SYTL5: variants seen among roughly 807,000 people sequenced by gnomAD.
SYTL5 encodes the protein synaptotagmin-like protein 5.
SYTL5 carries 34 observed loss-of-function variants against 55.9 expected under a neutral mutation model. The observed-to-expected ratio is 0.61, with a 90% CI of 0.46 to 0.81. The LOEUF (loss-of-function observed/expected upper bound fraction) is 0.81. SYTL5 is among the 30% of genes least tolerant of loss of function. The pLI is 0.00. For missense variants in SYTL5, 637 were observed against 546.7 expected (o/e 1.17, Z -1.65); for synonymous variants, 221 against 188.7 (o/e 1.17, Z -1.40).
At chrX:38,082,173 A>G (rs1486399048) in intron 6 of SYTL5, among the ~76,000 whole-genome samples, 1 of 111,999 alleles carries the variant, frequency 8.9e-6, no homozygotes, top group Non-Finnish European at 1.9e-5. Flanking sequence ...TGATCAAATG[A>G]TTGTAAGCCT....
chrX:37,952,374 T>C, the SYTL5 span, among the ~76,000 whole-genome samples: 1 of 111,740 alleles, frequency 8.9e-6, no homozygotes, highest in Non-Finnish European at 1.9e-5. Context: ...TTATTAGACT[T>C]ATGGGCTAGC....
the SYTL5 span, among the ~76,000 whole-genome samples, chrX:37,928,445 A>G: frequency 9.0e-6 from 1 of 111,044 alleles, no homozygotes; most frequent in South Asian, 3.9e-4. Flanking sequence ...TCAGTTACAG[A>G]TTGTCTATGG....
chrX:38,126,815 G>A lies in SYTL5; in HGVS notation c.*85G>A. The A allele has an allele frequency of 2.0e-6, 2 of 983,764 alleles. No homozygotes were observed. The allele number at this position is 983,764 out of a possible 1,213,427, so 81.1% of individuals were successfully genotyped here. ...TTAGCAAACTGAGACCTGGGATTCT[G>A]CTTCCCTGCCATTTCTCACCTGACA... On this transcript the variant is annotated 3_prime_UTR_variant, in exon 17 of 17. Transcript: ENST00000297875.
intron 1 of SYTL5, among the ~76,000 whole-genome samples, chrX:38,029,736 C>G (rs1382380569): frequency 9.9e-6 from 1 of 100,635 alleles, no homozygotes; most frequent in Non-Finnish European, 1.9e-5. Context: ...ACTGTTTTTA[C>G]TTTCCAAAGA....
At chrX:38,069,023 C>A (rs1408552228) in intron 3 of SYTL5, among the ~76,000 whole-genome samples, 1 of 111,080 alleles carries the variant, frequency 9.0e-6, no homozygotes, top group Non-Finnish European at 1.9e-5. Flanking sequence ...TTTTTTCAAC[C>A]ATTTAAAAAT....
intron 1 of SYTL5, among the ~76,000 whole-genome samples, chrX:38,020,136 C>T (rs761501798): frequency 3.6e-5 from 4 of 110,120 alleles, no homozygotes; most frequent in Non-Finnish European, 7.6e-5. Flanking sequence ...GTGTTGTAGC[C>T]TAGCATGATA....
chrX:37,970,865 A>G, the SYTL5 span, among the ~76,000 whole-genome samples: 1 of 112,424 alleles, frequency 8.9e-6, no homozygotes, highest in African/African-American at 3.2e-5. Flanking sequence ...TGGGTTTTAT[A>G]GTTTATAACC....
At chrX:37,973,809 T>TA in the SYTL5 span, among the ~76,000 whole-genome samples, 3 of 108,136 alleles carry the variant, frequency 2.8e-5, no homozygotes, top group East Asian at 2.8e-4. Flanking sequence ...TATTTTTTTT[T>TA]AAAAAATATT....
Position 38,054,355 on chromosome X carries a change from G to A in SYTL5, c.262G>A (p.Val88Ile), listed in dbSNP as rs1935712866. ...GDPCQACSLR[V>I]CRECRVAGPN... ...CCCTTGTCAGGCTTGCTCACTGAGG[G>A]TATGCAGGGAGTGTCGAGTTGCAGG... Residue 88 changes from valine to isoleucine, a missense_variant, in exon 3 of 17, where the codon GTA becomes ATA. By Grantham distance (29) the Val-to-Ile change is conservative (BLOSUM62 3). Coordinates refer to ENST00000297875, the MANE Select transcript of SYTL5 (RefSeq NM_138780.3). The A allele has an allele frequency of 4.1e-6, 5 of 1,211,611 alleles. No homozygotes were observed. The East Asian group carries it at 1.5e-4, about 36-fold the overall frequency.
chrX:38,035,888 T>C (rs1167102388), intron 2 of SYTL5, among the ~76,000 whole-genome samples: 2 of 110,681 alleles, frequency 1.8e-5, no homozygotes, highest in Non-Finnish European at 3.8e-5. Flanking sequence ...AGTGAGACTC[T>C]GTCTCAAAAA....
chrX:38,018,045 T>C (rs1364310870), intron 1 of SYTL5, among the ~76,000 whole-genome samples: 2 of 109,621 alleles, frequency 1.8e-5, no homozygotes, highest in Non-Finnish European at 3.8e-5. Flanking sequence ...GTAAAGTTTG[T>C]TTTATCCTAA....
intron 1 of SYTL5, among the ~76,000 whole-genome samples, chrX:38,031,917 T>C (rs1261908279): frequency 8.9e-6 from 1 of 112,433 alleles, no homozygotes; most frequent in Non-Finnish European, 1.9e-5. Flanking sequence ...GAATATGCAC[T>C]AACCTGAACA....
chrX:37,946,448 T>G, the SYTL5 span: 3 of 251,201 alleles, frequency 1.2e-5, no homozygotes, highest in Non-Finnish European at 2.3e-5. Context: ...AAGCTGAATA[T>G]GCACATCCTT....
At chrX:37,948,930 C>A in the SYTL5 span, among the ~76,000 whole-genome samples, 2 of 111,410 alleles carry the variant, frequency 1.8e-5, no homozygotes, top group African/African-American at 6.5e-5. Flanking sequence ...ACAAACTGAG[C>A]CTCAATTTGT....
the SYTL5 span, among the ~76,000 whole-genome samples, chrX:37,963,515 C>G: frequency 9.0e-6 from 1 of 111,410 alleles, no homozygotes; most frequent in African/African-American, 3.3e-5. Context: ...GTGTCGGTCT[C>G]CTGACCTCAT....
At chrX:38,023,764 C>G (rs1210383932) in intron 1 of SYTL5, 1 of 111,132 alleles carries the variant, frequency 9.0e-6, no homozygotes, top group Non-Finnish European at 1.9e-5. Context: ...TATCTTATAA[C>G]TTATTTTTCA....
intron 2 of SYTL5, among the ~76,000 whole-genome samples, chrX:38,054,003 A>G (rs1401329601): frequency 8.9e-6 from 1 of 112,184 alleles, no homozygotes; most frequent in African/African-American, 3.2e-5. Context: ...AAATGAAAAT[A>G]TCTCTTGATT....
At chrX:37,962,870 C>T in the SYTL5 span, among the ~76,000 whole-genome samples, 1 of 112,004 alleles carries the variant, frequency 8.9e-6, no homozygotes, top group African/African-American at 3.3e-5. Flanking sequence ...ATGACCTTCT[C>T]TAGTCCTAAT....
At chrX:38,051,394 A>G (rs1468874330) in intron 2 of SYTL5, among the ~76,000 whole-genome samples, 1 of 112,039 alleles carries the variant, frequency 8.9e-6, no homozygotes, top group Non-Finnish European at 1.9e-5. Context: ...AAGGGAATTG[A>G]AAGTAGGGAC....
Sources: gnomAD v4.1 joint callset for allele counts (sites outside exome capture counted in the v4.1 genomes callset) on GRCh38, gnomAD v4.1.1 for gene constraint, MANE v1.5 for transcripts, NCBI Gene and HGNC (gene_info 2026-07-23, HGNC 2026-07-21) for gene names.